VWA3B: variants seen among roughly 807,000 people sequenced by gnomAD.
VWA3B encodes von Willebrand factor A domain-containing protein 3B.
A neutral mutation model predicts 158.3 loss-of-function variants in VWA3B; 138 were observed. That is an observed-to-expected ratio of 0.87 (90% CI 0.76 to 1.00). The LOEUF is 1.00. Ranked by LOEUF, VWA3B falls within the 50% of genes least tolerant of loss-of-function variation. The probability of loss-of-function intolerance (pLI) is 0.00; values close to 1 mark genes in which losing one functional copy is unlikely to be tolerated. For missense variants in VWA3B, 1,555 were observed against 1,565.1 expected, an observed-to-expected ratio of 0.99 and a Z score of 0.11; for synonymous variants, 596 against 587.3, an observed-to-expected ratio of 1.01 and a Z score of -0.21.
At chr2:98,287,428 A>T (rs1490202224) in intron 22 of VWA3B, among the ~76,000 whole-genome samples, 1 of 152,170 alleles carries the variant, frequency 6.6e-6, no homozygotes, top group Non-Finnish European at 1.5e-5. Flanking sequence ...ATTCATTTTA[A>T]TATATTTTAC....
chr2:98,214,830 G>A (rs1165016839), intron 13 of VWA3B, among the ~76,000 whole-genome samples: 1 of 152,168 alleles, frequency 6.6e-6, no homozygotes, highest in Non-Finnish European at 1.5e-5. Flanking sequence ...GGAACTCTGT[G>A]CATATATTGG....
At chr2:98,121,177 C>T (rs1674928155) in intron 4 of VWA3B, 122 bp from the exon 5 acceptor site, 2 of 1,255,174 alleles carry the variant, frequency 1.6e-6, no homozygotes, top group Non-Finnish European at 2.2e-6. Context: ...GCTATGATTT[C>T]TTTCTTTTTC....
intron 1 of VWA3B, among the ~76,000 whole-genome samples, chr2:98,091,491 AC>A (rs1682290761): frequency 6.6e-6 from 1 of 152,044 alleles, no homozygotes; most frequent in African/African-American, 2.4e-5. Context: ...TCTTAACTCC[AC>A]CCCTTACCAG....
At chr2:98,300,033 TG>T in intron 24 of VWA3B, 45 bp from the exon 25 acceptor site, 1 of 1,612,860 alleles carries the variant, frequency 6.2e-7, no homozygotes, top group Non-Finnish European at 8.5e-7. Context: ...TAACATTGTC[TG>T]TACAATCCAT....
intron 9 of VWA3B, among the ~76,000 whole-genome samples, chr2:98,186,346 A>G (rs867009934): frequency 2.0e-5 from 3 of 151,616 alleles, no homozygotes; most frequent in Non-Finnish European, 4.4e-5. Context: ...CTCCAGTCCC[A>G]TGGCTTTTAA....
intron 1 of VWA3B, among the ~76,000 whole-genome samples, chr2:98,092,660 AAACAAC>A (rs1374587981): frequency 6.6e-6 from 1 of 151,748 alleles, no homozygotes; most frequent in Admixed American, 6.6e-5. Flanking sequence ...AATGAACAAA[AAACAAC>A]AACAACAACA....
chr2:98,280,933 G>T (rs1481725833), intron 22 of VWA3B, among the ~76,000 whole-genome samples: 1 of 152,180 alleles, frequency 6.6e-6, no homozygotes, highest in African/African-American at 2.4e-5. Context: ...CTTCTTCAGG[G>T]CTCATGCAGG....
intron 12 of VWA3B, among the ~76,000 whole-genome samples, chr2:98,204,301 A>G (rs574654070): frequency 6.6e-6 from 1 of 152,196 alleles, no homozygotes; most frequent in African/African-American, 2.4e-5. Flanking sequence ...TACATTGAAT[A>G]GGTATGTTGA....
At chr2:98,204,234 T>C (rs1682817037) in intron 12 of VWA3B, among the ~76,000 whole-genome samples, 1 of 152,252 alleles carries the variant, frequency 6.6e-6, no homozygotes, top group Non-Finnish European at 1.5e-5. Context: ...TGTTTGTTTT[T>C]TCCAACCTCT....
chr2:98,326,733 G>A, the VWA3B span, among the ~76,000 whole-genome samples: 1 of 151,980 alleles, frequency 6.6e-6, no homozygotes, highest in Admixed American at 6.6e-5. Context: ...CTCCAGCCTG[G>A]GCAACAGAGT....
chr2:98,270,937 T>A, intron 22 of VWA3B, 54 bp downstream of exon 22: 1 of 1,562,596 alleles, frequency 6.4e-7, no homozygotes, highest in Non-Finnish European at 8.8e-7. Flanking sequence ...TCCCAAGTCA[T>A]TGCCATTCCT....
chr2:98,313,816 T>C (rs1691029212), downstream of VWA3B, among the ~76,000 whole-genome samples: 1 of 152,130 alleles, frequency 6.6e-6, no homozygotes, highest in South Asian at 2.1e-4. Context: ...GGCAAATATA[T>C]ACAATGCTAG....
intron 14 of VWA3B, among the ~76,000 whole-genome samples, chr2:98,221,067 G>A (rs1027141925): frequency 6.6e-6 from 1 of 151,856 alleles, no homozygotes; most frequent in Non-Finnish European, 1.5e-5. Flanking sequence ...GCAAACCACT[G>A]TGGCATATGT....
chr2:98,103,976 G>C (rs564138637), intron 2 of VWA3B, among the ~76,000 whole-genome samples: 3 of 152,176 alleles, frequency 2.0e-5, no homozygotes, highest in Admixed American at 2.0e-4. Flanking sequence ...ATTTATTTCA[G>C]ACATTAGTCA....
At chr2:98,234,316 G>T (rs1334989952) in intron 16 of VWA3B, among the ~76,000 whole-genome samples, 3 of 152,228 alleles carry the variant, frequency 2.0e-5, no homozygotes. Context: ...CGTGTGAGAA[G>T]TAATACAGAT....
At chr2:98,164,758 A>G (rs1678924507) in intron 8 of VWA3B, among the ~76,000 whole-genome samples, 1 of 152,252 alleles carries the variant, frequency 6.6e-6, no homozygotes, top group Non-Finnish European at 1.5e-5. Flanking sequence ...GATGGGTTCC[A>G]GCCCCACAAC....
Position 98,298,001 on chromosome 2 carries a change from G to A in VWA3B, c.3252G>A (p.Val1084=), listed in dbSNP as rs753636798. 1 of 1,581,524 alleles carries A rather than the reference G, an allele frequency of 6.3e-7. No individual in the cohort carries two copies. The highest frequency in any genetic ancestry group is 8.6e-7 in the Non-Finnish European group (1 of 1,163,978). Residue 1084 remains valine (V), a synonymous_variant, in exon 24 of 28, where the codon GTG becomes GTA. Transcript: ENST00000477737. ...TGTCCACCTCCTTCATCACGCCTGT[G>A]GGGGGCGCCATGCCCTGCCCGCTGC... ...KVVSTSFITP[V]GGAMPCPLLQ...
the VWA3B span, among the ~76,000 whole-genome samples, chr2:98,320,990 T>C: frequency 0.031 from 4,665 of 152,266 alleles, 111 homozygotes; most frequent in South Asian, 0.064. Flanking sequence ...AAAATGGTTT[T>C]GTGGACTGGG....
intron 2 of VWA3B, among the ~76,000 whole-genome samples, chr2:98,094,286 C>T (rs904593635): frequency 2.6e-5 from 4 of 152,150 alleles, no homozygotes; most frequent in African/African-American, 4.8e-5. Context: ...TCCTTTTCTC[C>T]ATATCCTTGC....
Sources: gnomAD v4.1 joint callset for allele counts (sites outside exome capture counted in the v4.1 genomes callset) on GRCh38, gnomAD v4.1.1 for gene constraint, MANE v1.5 for transcripts, NCBI Gene and HGNC (gene_info 2026-07-23, HGNC 2026-07-21) for gene names.